IBSP: variants seen among roughly 807,000 people sequenced by gnomAD.
The protein encoded by IBSP is integrin-binding sialoprotein.
IBSP carries 19 observed loss-of-function variants against 25.5 expected under a neutral mutation model. The observed-to-expected ratio is 0.74, with a 90% confidence interval of 0.52 to 1.09. The LOEUF is 1.09. Ranked by LOEUF, IBSP falls within the 50% of genes least tolerant of loss-of-function variation. The pLI, the probability that IBSP is intolerant of heterozygous loss-of-function variation, is 0.00. For synonymous variants in IBSP, 144 were observed against 137.6 expected (o/e 1.05, Z -0.33); for missense variants, 360 against 382.3 (o/e 0.94, Z 0.49).
chr4:87,811,398 G>T lies in IBSP; in HGVS notation c.442G>T (p.Glu148Ter), dbSNP rs144185482. The change falls in exon 7 of 7, where the codon GAA becomes TAA. Residue 148 changes from glutamate to a stop codon, truncating the protein, a stop_gained. Transcript: ENST00000226284. LOFTEE classifies it low-confidence loss of function (END_TRUNC). ...DITNKATKEK[E>*]SDEEEEEEEE... is the part of the protein sequence containing the mutation. ...AACAAATAAAGCTACAAAAGAGAAG[G>T]AAAGTGATGAAGAAGAAGAGGAGGA... 3.1e-6 allele frequency: 5 copies of T among 1,612,892 alleles called. No homozygotes were observed. Among genetic ancestry groups the T allele is most frequent in the Non-Finnish European group, 3.4e-6 (4 of 1,179,612 alleles).
Position 87,811,687 on chromosome 4 carries a change from A to G in IBSP, c.731A>G (p.Tyr244Cys), listed in dbSNP as rs1026671047. The G allele has an allele frequency of 1.2e-6, 2 of 1,613,960 alleles. No homozygotes were observed. The highest frequency in any genetic ancestry group is 2.7e-5 in the African/African-American group (2 of 74,904). Residue 244 changes from tyrosine (Y) to cysteine (C), a missense_variant, in exon 7 of 7, where the codon TAT becomes TGT. By Grantham distance (194) the Tyr-to-Cys change is radical (BLOSUM62 -2). Coordinates refer to ENST00000226284, the MANE Select transcript of IBSP (RefSeq NM_004967.4). ...GFEPTTPPQVYRTTSPPFGKT... is the reference protein window; with the variant it reads ...GFEPTTPPQVCRTTSPPFGKT... ...GAACCTACAACCCCACCACAAGTCT[A>G]TAGAACCACTTCCCCACCTTTTGGG...
Position 87,806,193 on chromosome 4 carries a change from T to C in IBSP, c.246+9T>C, listed in dbSNP as rs770103138. On this transcript the variant is annotated intron_variant, in intron 5 of 6. Transcript: ENST00000226284. ...AGGAGGAGGAAGAAGAGGTAAGGAA[T>C]TTTGCAATCTTTTCGTAATAAAGCA... is the stretch of plus-strand genomic sequence containing the variant. The C allele has an allele frequency of 2.3e-5, 37 of 1,607,606 alleles. No homozygotes were observed. The highest frequency in any genetic ancestry group is 2.7e-5 in the Non-Finnish European group (32 of 1,176,600).
chr4:87,804,344 T>TTA (rs1722063295), intron 4 of IBSP, among the ~76,000 whole-genome samples: 1 of 152,160 alleles, frequency 6.6e-6, no homozygotes, highest in Non-Finnish European at 1.5e-5. Flanking sequence ...AAATCTGCAT[T>TTA]TATATACAAT....
intron 1 of IBSP, among the ~76,000 whole-genome samples, chr4:87,801,207 A>G (rs1354080903): frequency 6.6e-6 from 1 of 151,918 alleles, no homozygotes; most frequent in African/African-American, 2.4e-5. Flanking sequence ...TAGAATTGAA[A>G]TTTTCATCCA....
At chr4:87,805,073 C>T (rs943688506) in intron 4 of IBSP, among the ~76,000 whole-genome samples, 4 of 152,166 alleles carry the variant, frequency 2.6e-5, no homozygotes, top group Non-Finnish European at 5.9e-5. Flanking sequence ...GACAAGCATT[C>T]CCTTTCCTTG....
At position 87,810,711 on chromosome 4, in the gene IBSP, G is replaced by C. The variant is rs750881428; in HGVS notation, c.352G>C (p.Ala118Pro). Reference protein sequence around the residue: ...SATTLGYGEDATPGTGYTGLA... With the variant: ...SATTLGYGEDPTPGTGYTGLA... ...TACAACACTGGGCTATGGAGAGGAC[G>C]CCACGCCTGGCACAGGGTATACAGG... is the stretch of plus-strand genomic sequence containing the variant. The change falls in exon 6 of 7, where the codon GCC (alanine) becomes CCC (proline). Residue 118 changes from alanine (A) to proline (P), a missense_variant. Ala to Pro is a conservative substitution (Grantham distance 27, BLOSUM62 -1). Coordinates refer to ENST00000226284, the MANE Select transcript of IBSP (RefSeq NM_004967.4). 2 of 1,613,694 alleles carry C rather than the reference G, an allele frequency of 1.2e-6. No individual in the cohort carries two copies.
chr4:87,808,535 T>C (rs896722960), intron 5 of IBSP, among the ~76,000 whole-genome samples: 5 of 152,156 alleles, frequency 3.3e-5, no homozygotes, highest in African/African-American at 1.2e-4. Flanking sequence ...ATTATACATC[T>C]CATTGAAATT....
Position 87,811,806 on chromosome 4 carries a change from G to T in IBSP, c.850G>T (p.Glu284Ter), listed in dbSNP as rs779258750. ...TGAAATCTATGAAAGTGAGAACGGG[G>T]AACCTCGTGGGGACAATTACCGAGC... ...GYEIYESENG[E>*]PRGDNYRAYE... The change falls in exon 7 of 7, where the codon GAA becomes TAA. Residue 284 changes from glutamate to a stop codon, truncating the protein, a stop_gained. Coordinates refer to ENST00000226284, the MANE Select transcript of IBSP (RefSeq NM_004967.4). LOFTEE classifies it high-confidence loss of function. 3.1e-6 allele frequency: 5 copies of T among 1,612,642 alleles called. No individual in the cohort carries two copies. The highest frequency in any genetic ancestry group is 3.4e-6 in the Non-Finnish European group (4 of 1,179,280).
At chr4:87,802,918 A>G (rs1722041075) in intron 4 of IBSP, among the ~76,000 whole-genome samples, 187 bp downstream of exon 4, 1 of 152,208 alleles carries the variant, frequency 6.6e-6, no homozygotes, top group Non-Finnish European at 1.5e-5. Context: ...GCAGACATAT[A>G]CACAGAGTAA....
intron 5 of IBSP, among the ~76,000 whole-genome samples, chr4:87,808,866 T>C (rs1163399313): frequency 6.6e-6 from 1 of 152,218 alleles, no homozygotes; most frequent in Non-Finnish European, 1.5e-5. Flanking sequence ...ACTTAAGTAG[T>C]TTCCAAGTTT....
chr4:87,804,719 A>G (rs1213310820), intron 4 of IBSP, among the ~76,000 whole-genome samples: 1 of 152,232 alleles, frequency 6.6e-6, no homozygotes, highest in African/African-American at 2.4e-5. Flanking sequence ...GTAATAATGC[A>G]TAAATGAAAG....
Sources: allele counts gnomAD v4.1 joint callset (sites outside exome capture counted in the v4.1 genomes callset), GRCh38; gene constraint gnomAD v4.1.1; transcripts MANE v1.5; gene names NCBI Gene and HGNC (gene_info 2026-07-23, HGNC 2026-07-21).